The following CCDC187 variants were observed in gnomAD, a reference collection of about 807,000 sequenced individuals.
CCDC187 encodes coiled-coil domain containing 187.
Under a neutral mutation model 38.0 loss-of-function variants are expected in CCDC187, and 32 were observed. The ratio of observed to expected loss-of-function variants is 0.84; its 90% confidence interval spans 0.64 to 1.13. The LOEUF (loss-of-function observed/expected upper bound fraction) is 1.13. Ranked by LOEUF, CCDC187 falls within the 50% of genes most tolerant of loss-of-function variation. The pLI is 0.00. For missense variants in CCDC187, 707 were observed against 786.8 expected (o/e 0.90, Z 1.21); for synonymous variants, 333 against 347.9 (o/e 0.96, Z 0.48).
chr9:136,279,871 G>C (rs1382157514), intron 10 of CCDC187, among the ~76,000 whole-genome samples: 1 of 152,254 alleles, frequency 6.6e-6, no homozygotes, highest in East Asian at 1.9e-4. Context: ...TGCCATCATT[G>C]TGGGTGCAGG....
chr9:136,283,770 C>T lies in CCDC187; in HGVS notation c.2927+1743G>A, dbSNP rs1472137182. 3.9e-5 allele frequency among the ~76,000 whole-genome samples: 6 copies of T among 152,320 alleles called. No individual in the cohort carries two copies. The East Asian group carries it at 1.2e-3, about 29-fold the overall frequency. On this transcript the variant is annotated intron_variant, in intron 9 of 25. Transcript: ENST00000638797. Reference sequence around the variant, plus strand: ...ACAGATCTAGCTGGTCCCCCGGGAGCCCGGGGCACTGAAATTAACCTTTTC... The same window carrying T: ...ACAGATCTAGCTGGTCCCCCGGGAGTCCGGGGCACTGAAATTAACCTTTTC...
chr9:136,271,889 G>T (rs1830846905), intron 14 of CCDC187, among the ~76,000 whole-genome samples: 1 of 152,166 alleles, frequency 6.6e-6, no homozygotes. Context: ...TTCCAGGTGT[G>T]AGCCACCACG....
At chr9:136,282,474 C>A (rs1831068363) in intron 9 of CCDC187, among the ~76,000 whole-genome samples, 2 of 151,598 alleles carry the variant, frequency 1.3e-5, no homozygotes, top group Admixed American at 1.3e-4. Flanking sequence ...ATGTGCTGAG[C>A]CTGCATCCGG....
In CCDC187 at chr9:136,258,642, C is replaced by T. The variant is rs1830644589; in HGVS notation, c.4366+290G>A. 23 of 955,800 alleles carry T rather than the reference C, an allele frequency of 2.4e-5. No individual in the cohort carries two copies. The highest frequency in any genetic ancestry group is 1.4e-4 in the South Asian group (3 of 20,694). The allele number at this position is 955,800 out of a possible 1,614,324, so 59.2% of individuals were successfully genotyped here. A position where few individuals can be genotyped will look rare whatever the true frequency, so the allele number is the denominator to read the frequency against. On this transcript the variant is annotated intron_variant, in intron 22 of 25. Coordinates refer to ENST00000638797, the MANE Select transcript of CCDC187 (RefSeq NM_001378188.1). This position sits in a 1 kb window ranked among gnomAD's most constrained non-coding sequence, Gnocchi z 4.3. ...CGCTCAGGCAGTGCTGGCTTCCAAA[C>T]ACTTAAAAATCTGCCCCAGATGAAC... is the stretch of plus-strand genomic sequence containing the variant.
intron 12 of CCDC187, among the ~76,000 whole-genome samples, chr9:136,275,760 A>G (rs1830920409): frequency 2.0e-5 from 3 of 152,296 alleles, no homozygotes; most frequent in South Asian, 2.1e-4. Flanking sequence ...AGGGGACACT[A>G]TTGGTGCAGG....
At chr9:136,280,522 G>A (rs1374252525) in intron 10 of CCDC187, among the ~76,000 whole-genome samples, 2 of 152,082 alleles carry the variant, frequency 1.3e-5, no homozygotes, top group Non-Finnish European at 2.9e-5. Flanking sequence ...ACATGCACGT[G>A]CACACACACA....
rs1414862514 is a variant in CCDC187 at position 136,270,804 on chromosome 9, G to A, written c.3443-2679C>T. Among the ~76,000 whole-genome samples the A allele has an allele frequency of 2.6e-5, 4 of 152,172 alleles. No individual in the cohort carries two copies. In the East Asian group the frequency reaches 7.7e-4, roughly 29 times the overall value. The stretch of plus-strand genomic sequence containing the variant: ...GAGCCCTCAAGCGGCCCTTATGCGG[G>A]TGTGACAGAGGCCTCACCTCTTACC... On this transcript the variant is annotated intron_variant, in intron 14 of 25. Coordinates refer to ENST00000638797, the MANE Select transcript of CCDC187 (RefSeq NM_001378188.1).
chr9:136,296,866 A>T (rs1831547779), intron 4 of CCDC187, among the ~76,000 whole-genome samples: 1 of 152,168 alleles, frequency 6.6e-6, no homozygotes, highest in African/African-American at 2.4e-5. Flanking sequence ...TCCGGGAAAC[A>T]CGCATGAAAT....
Position 136,289,989 on chromosome 9 carries a change from A to G in CCDC187, c.2192T>C (p.Met731Thr). The change falls in exon 7 of 26, where the codon ATG (methionine) becomes ACG (threonine). Residue 731 changes from methionine (M) to threonine (T), a missense_variant. Coordinates refer to ENST00000638797, the MANE Select transcript of CCDC187 (RefSeq NM_001378188.1). Reference protein sequence around the residue: ...VLEWSKVTSGMVLGGQEAPGS... With the variant: ...VLEWSKVTSGTVLGGQEAPGS... Reference sequence around the variant, plus strand: ...TGGGGCTTCCTGGCCCCCCAGCACCATGCCAGAGGTCACTTTGCTCCATTC... The same window carrying G: ...TGGGGCTTCCTGGCCCCCCAGCACCGTGCCAGAGGTCACTTTGCTCCATTC... The G allele has an allele frequency of 2.6e-6, 1 of 385,386 alleles. No individual in the cohort carries two copies. The highest frequency in any genetic ancestry group is 4.6e-6 in the Non-Finnish European group (1 of 218,042). The allele number at this position is 385,386 out of a possible 1,614,324, so 23.9% of individuals were successfully genotyped here. A position where few individuals can be genotyped will look rare whatever the true frequency, so the allele number is the denominator to read the frequency against.
intron 6 of CCDC187, 107 bp downstream of exon 6, chr9:136,290,379 C>T (rs1410914324): frequency 1.0e-5 from 4 of 397,654 alleles, no homozygotes; most frequent in African/African-American, 2.1e-5. Context: ...GCAGCCCTCG[C>T]CCGGCCACTC....
chr9:136,260,192 C>A lies in CCDC187; in HGVS notation c.4137G>T (p.Pro1379=), dbSNP rs1281234289. The A allele has an allele frequency of 3.0e-6, 3 of 985,392 alleles. No individual in the cohort carries two copies. The African/African-American group carries it at 5.2e-5, about 17-fold the overall frequency. 61.0% of individuals were successfully genotyped at this position (985,392 alleles called of 1,614,324 possible). The change falls in exon 20 of 26, where the codon CCG becomes CCT. Residue 1379 remains proline (P), a synonymous_variant. Coordinates refer to ENST00000638797, the MANE Select transcript of CCDC187 (RefSeq NM_001378188.1). The stretch of plus-strand genomic sequence containing the variant: ...GTGTGTCCTCGCCCCATGCTGGCCT[C>A]GGAGGCTGCTGGTGACCATCTGCAT... ...TSDADGHQQP[P]RPAWGEDTHD...
At chr9:136,295,101 G>A (rs1466047006) in intron 4 of CCDC187, among the ~76,000 whole-genome samples, 1 of 152,248 alleles carries the variant, frequency 6.6e-6, no homozygotes, top group Non-Finnish European at 1.5e-5. Context: ...GGATTCCACT[G>A]GCTCAGGGTG....
Position 136,286,509 on chromosome 9 carries a change from T to C in CCDC187, c.2409A>G (p.Pro803=), listed in dbSNP as rs878921187. ...AAGTGCCCAGGTGCTCAGCCTCCTT[T>C]GGGTCCAGGTAGATGCACATCCCCC... ...LPRGMCIYLD[P]KEAEHLGTSS... The change falls in exon 8 of 26, where the codon CCA becomes CCG. Residue 803 remains proline, a synonymous_variant. Coordinates refer to ENST00000638797, the MANE Select transcript of CCDC187 (RefSeq NM_001378188.1). The C allele has an allele frequency of 0.77, 304,973 of 398,594 alleles. 118,381 individuals carry two copies. Among genetic ancestry groups the C allele is most frequent in the East Asian group, 0.83 (23,259 of 28,070 alleles). The allele number at this position is 398,594 out of a possible 1,614,324, so 24.7% of individuals were successfully genotyped here.
intron 4 of CCDC187, chr9:136,296,556 A>G (rs1831540168): frequency 6.6e-6 from 1 of 152,312 alleles, no homozygotes; most frequent in Non-Finnish European, 1.5e-5. Flanking sequence ...AAGACTGCCA[A>G]CCTTGGCGGG....
chr9:136,302,690 G>A (rs1311621240), intron 2 of CCDC187, 122 bp downstream of exon 2: 14 of 397,724 alleles, frequency 3.5e-5, no homozygotes, highest in Non-Finnish European at 4.9e-5. Context: ...CACCCTGGGG[G>A]CACGCTGCAT....
chr9:136,267,614 A>T (rs986289410), intron 15 of CCDC187, 103 bp from the exon 16 acceptor site: 2 of 985,172 alleles, frequency 2.0e-6, no homozygotes, highest in East Asian at 1.1e-4. Context: ...TAGCTTCTAG[A>T]CCGCTCCCAG....
intron 1 of CCDC187, 88 bp from the exon 2 acceptor site, chr9:136,303,381 C>A (rs1181128261): frequency 1.0e-5 from 4 of 387,212 alleles, no homozygotes; most frequent in Non-Finnish European, 1.8e-5. Context: ...CCTCCCCGGG[C>A]ATTCCTGCTC....
chr9:136,271,320 A>C (rs1830836068), intron 14 of CCDC187, among the ~76,000 whole-genome samples: 1 of 152,068 alleles, frequency 6.6e-6, no homozygotes, highest in African/African-American at 2.4e-5. Flanking sequence ...TCAGGAGTTC[A>C]AGACCAGCCT....
At chr9:136,265,388 C>T (rs68182128) in intron 17 of CCDC187, among the ~76,000 whole-genome samples, 32,767 of 152,094 alleles carry the variant, frequency 0.22, 4,153 homozygotes, top group Middle Eastern at 0.45. Context: ...CTGCCAGGCG[C>T]GGCTAGGGAT....
Sources: gnomAD v4.1 joint callset for allele counts (sites outside exome capture counted in the v4.1 genomes callset) on GRCh38, gnomAD v4.1.1 for gene constraint, Gnocchi (gnomAD v3.1) non-coding constraint, MANE v1.5 for transcripts, NCBI Gene and HGNC (gene_info 2026-07-23, HGNC 2026-07-21) for gene names.